The following TRIM16 variants were observed in gnomAD, a reference collection of about 807,000 sequenced individuals.
TRIM16 encodes the protein tripartite motif containing 16, also known as tripartite motif-containing protein 16.
A neutral mutation model predicts 50.4 loss-of-function variants in TRIM16; 33 were observed. That is an observed-to-expected ratio of 0.65 (90% CI 0.50 to 0.88). TRIM16 has a LOEUF of 0.88. Ranked by LOEUF, TRIM16 falls within the 40% of genes least tolerant of loss-of-function variation. The probability of loss-of-function intolerance (pLI) is 0.00; values close to 1 mark genes in which losing one functional copy is unlikely to be tolerated. For missense variants in TRIM16, 581 were observed against 686.8 expected, an observed-to-expected ratio of 0.85 and a Z score of 1.72; for synonymous variants, 229 against 270.7, an observed-to-expected ratio of 0.85 and a Z score of 1.51.
intron 7 of TRIM16, among the ~76,000 whole-genome samples, chr17:15,648,026 C>A (rs1311530958): frequency 2.6e-5 from 4 of 151,824 alleles, no homozygotes; most frequent in Non-Finnish European, 4.4e-5. Context: ...GAGATCGAGA[C>A]CATCCTGGCT....
At chr17:15,666,130 T>C (rs1467731952) in intron 6 of TRIM16, among the ~76,000 whole-genome samples, 1 of 152,236 alleles carries the variant, frequency 6.6e-6, no homozygotes, top group Admixed American at 6.5e-5. Flanking sequence ...CAAGCCATCA[T>C]TGTCTCTCGC....
At chr17:15,638,276 AG>A (rs1263750884) in intron 8 of TRIM16, among the ~76,000 whole-genome samples, 1 of 143,808 alleles carries the variant, frequency 7.0e-6, no homozygotes, top group Non-Finnish European at 1.5e-5. Flanking sequence ...AAAAAAAAAA[AG>A]AATTGGTGTA....
At position 15,682,893 on chromosome 17, in the gene TRIM16, G is replaced by A. The variant is rs762546468; in HGVS notation, c.-718C>T. ...TTTCCATAAATCAGTATTCACAGAT[G>A]AGGAAACTGTTAACTTGCCCAAGTT... On this transcript the variant is annotated 5_prime_UTR_variant, in exon 3 of 12. Coordinates refer to ENST00000649191, the MANE Select transcript of TRIM16 (RefSeq NM_001348119.1). 12 of 1,479,578 alleles carry A rather than the reference G, an allele frequency of 8.1e-6. No homozygotes were observed. Among genetic ancestry groups the A allele is most frequent in the Non-Finnish European group, 1.1e-5 (12 of 1,117,292 alleles). The allele number at this position is 1,479,578 out of a possible 1,614,324, so 91.7% of individuals were successfully genotyped here.
At chr17:15,655,873 G>A (rs557785883) in intron 6 of TRIM16, among the ~76,000 whole-genome samples, 10 of 152,252 alleles carry the variant, frequency 6.6e-5, no homozygotes, top group East Asian at 1.9e-4. Flanking sequence ...CGCGCCCAAC[G>A]CGTGTCCCCA....
At position 15,628,596 on chromosome 17, in the gene TRIM16, G is replaced by C; in HGVS notation, c.*19C>G. 6.4e-7 allele frequency: 1 copy of C among 1,571,840 alleles called. No individual in the cohort carries two copies. The highest frequency in any genetic ancestry group is 8.7e-7 in the Non-Finnish European group (1 of 1,155,872). ...CCATCACTGTAGCTGGCAAAGGTCTGGGATATGGCTCCTGGAGTCTAGGGA... is the reference window on the plus strand; with the variant it reads ...CCATCACTGTAGCTGGCAAAGGTCTCGGATATGGCTCCTGGAGTCTAGGGA... On this transcript the variant is annotated 3_prime_UTR_variant, in exon 12 of 12. Transcript: ENST00000649191.
intron 6 of TRIM16, chr17:15,658,910 G>A: frequency 1.0e-6 from 1 of 977,756 alleles, no homozygotes; most frequent in South Asian, 4.7e-5. Context: ...GGATCACTTT[G>A]GTAATTAATT....
intron 7 of TRIM16, among the ~76,000 whole-genome samples, chr17:15,647,564 C>A (rs569977486): frequency 6.6e-6 from 1 of 152,050 alleles, no homozygotes; most frequent in Non-Finnish European, 1.5e-5. Flanking sequence ...GCACTGACCT[C>A]GCTCCCAGGG....
chr17:15,659,696 G>A (rs7222216), intron 6 of TRIM16, among the ~76,000 whole-genome samples: 7,625 of 152,242 alleles, frequency 0.05, 628 homozygotes, highest in African/African-American at 0.17. Context: ...TGTAACAAAT[G>A]TTCTCTTGCC....
chr17:15,661,082 G>T (rs1468220855), intron 6 of TRIM16, among the ~76,000 whole-genome samples: 3 of 152,104 alleles, frequency 2.0e-5, no homozygotes, highest in African/African-American at 7.2e-5. Context: ...TCTGGAGTTA[G>T]AAGTGTCAAG....
intron 6 of TRIM16, among the ~76,000 whole-genome samples, chr17:15,663,434 C>A (rs1055582506): frequency 1.2e-4 from 19 of 152,130 alleles, no homozygotes; most frequent in Non-Finnish European, 2.4e-4. Context: ...GGAATTCCAC[C>A]TTCCCTTCTA....
intron 4 of TRIM16, among the ~76,000 whole-genome samples, chr17:15,679,829 C>T (rs377524144): frequency 6.6e-6 from 1 of 151,010 alleles, no homozygotes; most frequent in Admixed American, 6.6e-5. Context: ...CCCAGCTACT[C>T]GGGAGGCTGA....
At chr17:15,660,601 C>T (rs1988181213) in intron 6 of TRIM16, among the ~76,000 whole-genome samples, 2 of 151,950 alleles carry the variant, frequency 1.3e-5, no homozygotes, top group Admixed American at 1.3e-4. Flanking sequence ...CAAGAATGCT[C>T]GAAAGAATAC....
At chr17:15,653,113 G>C (rs963003312) in intron 6 of TRIM16, among the ~76,000 whole-genome samples, 1 of 152,022 alleles carries the variant, frequency 6.6e-6, no homozygotes, top group African/African-American at 2.4e-5. Context: ...GTGAGTTCTC[G>C]TTCTATCAAT....
intron 6 of TRIM16, among the ~76,000 whole-genome samples, chr17:15,662,476 C>T (rs1988285782): frequency 6.6e-6 from 1 of 152,222 alleles, no homozygotes; most frequent in Non-Finnish European, 1.5e-5. Context: ...ACACACAATG[C>T]ACACATTCTA....
intron 6 of TRIM16, among the ~76,000 whole-genome samples, chr17:15,668,377 C>T (rs887877600): frequency 5.3e-5 from 8 of 152,330 alleles, no homozygotes; most frequent in African/African-American, 1.9e-4. Flanking sequence ...GTACCAGTTA[C>T]TCCATCATAG....
chr17:15,666,073 T>G (rs1394861718), intron 6 of TRIM16, among the ~76,000 whole-genome samples: 1 of 152,108 alleles, frequency 6.6e-6, no homozygotes, highest in Non-Finnish European at 1.5e-5. Context: ...ATCTCACACA[T>G]CTCCAAACCC....
At chr17:15,665,383 C>T (rs1988449994) in intron 6 of TRIM16, among the ~76,000 whole-genome samples, 1 of 152,248 alleles carries the variant, frequency 6.6e-6, no homozygotes, top group South Asian at 2.1e-4. Flanking sequence ...GTGGTGGGTG[C>T]CTGTAGTCCC....
intron 6 of TRIM16, among the ~76,000 whole-genome samples, chr17:15,668,214 G>C (rs1988580873): frequency 6.6e-6 from 1 of 152,220 alleles, no homozygotes; most frequent in African/African-American, 2.4e-5. Context: ...GTAGTTCTAA[G>C]ACAGAAAGTT....
chr17:15,650,700 G>A, intron 7 of TRIM16, among the ~76,000 whole-genome samples: 1 of 152,114 alleles, frequency 6.6e-6, no homozygotes, highest in Admixed American at 6.6e-5. Flanking sequence ...TTCATTAATT[G>A]ACAATGGATG....
Sources: allele counts gnomAD v4.1 joint callset (sites outside exome capture counted in the v4.1 genomes callset), GRCh38; gene constraint gnomAD v4.1.1; transcripts MANE v1.5; gene names NCBI Gene and HGNC (gene_info 2026-07-23, HGNC 2026-07-21).